Variants in DNAH3 observed in about 807,000 individuals in gnomAD.
DNAH3 encodes the protein dynein axonemal heavy chain 3.
In DNAH3, 332 loss-of-function variants were observed where a neutral mutation model predicts 432.5. That is an observed-to-expected ratio of 0.77 (90% CI 0.70 to 0.84). The LOEUF (loss-of-function observed/expected upper bound fraction) is 0.84. Ranked by LOEUF, DNAH3 falls within the 40% of genes least tolerant of loss-of-function variation. The probability of loss-of-function intolerance (pLI) is 0.00; values close to 1 mark genes in which losing one functional copy is unlikely to be tolerated. For missense variants in DNAH3, 4,861 were observed against 5,114.0 expected, an observed-to-expected ratio of 0.95 and a Z score of 1.51; for synonymous variants, 1,956 against 1,900.2, an observed-to-expected ratio of 1.03 and a Z score of -0.76.
chr16:21,153,985 A>T (rs1360860324), intron 1 of DNAH3, among the ~76,000 whole-genome samples: 1 of 152,256 alleles, frequency 6.6e-6, no homozygotes, highest in Non-Finnish European at 1.5e-5. Context: ...ATTTGGAATA[A>T]TTGAGACAGT....
intron 34 of DNAH3, among the ~76,000 whole-genome samples, chr16:21,037,106 C>T (rs1007063447): frequency 1.3e-5 from 2 of 152,102 alleles, no homozygotes; most frequent in African/African-American, 4.8e-5. Context: ...TTCAGGAGTT[C>T]GAGACCAGCC....
intron 49 of DNAH3, among the ~76,000 whole-genome samples, chr16:20,979,797 T>G (rs567017074): frequency 6.6e-6 from 1 of 152,228 alleles, no homozygotes; most frequent in East Asian, 1.9e-4. Context: ...ACACCCAGGC[T>G]GGAGTGCAGT....
At position 21,102,907 on chromosome 16, in the gene DNAH3, C is replaced by T. The variant is rs1185923785; in HGVS notation, c.2366+1564G>A. ...TTTTTTTTTTTTTGAGACAGAATCT[C>T]GCTCTGTCACCAGGCTGGTTTCAGC... On this transcript the variant is annotated intron_variant, in intron 16 of 61. Transcript: ENST00000261383. Among the ~76,000 whole-genome samples, 9 of 146,390 alleles carry T rather than the reference C, an allele frequency of 6.1e-5. No homozygotes were observed. In the East Asian group the frequency reaches 7.9e-4, roughly 13 times the overall value.
intron 12 of DNAH3, among the ~76,000 whole-genome samples, chr16:21,115,163 G>C (rs1158907555): frequency 6.6e-6 from 1 of 151,964 alleles, no homozygotes. Flanking sequence ...AACACCACAT[G>C]TTCTCACTCA....
chr16:21,138,140 C>G (rs1597468772), intron 5 of DNAH3, among the ~76,000 whole-genome samples: 1 of 151,744 alleles, frequency 6.6e-6, no homozygotes, highest in South Asian at 2.1e-4. Flanking sequence ...CCCAGCTACT[C>G]AGGAGGCTGA....
chr16:21,024,679 G>T, exon 39 of DNAH3: 1 of 1,613,730 alleles, frequency 6.2e-7, no homozygotes, highest in Non-Finnish European at 8.5e-7. Flanking sequence ...AGTTGATGGG[G>T]CTCCATGTAG....
At chr16:20,935,302 T>C in intron 61 of DNAH3, 46 bp downstream of exon 61, 1 of 1,603,262 alleles carries the variant, frequency 6.2e-7, no homozygotes, top group South Asian at 1.1e-5. Flanking sequence ...CAACATTGCT[T>C]TCTCTGGTCA....
intron 36 of DNAH3, 37 bp from the exon 37 acceptor site, chr16:21,031,323 T>C: frequency 6.2e-7 from 1 of 1,610,332 alleles, no homozygotes; most frequent in Non-Finnish European, 8.5e-7. Context: ...ATAAAGGCTC[T>C]GGTGAGACCA....
chr16:21,000,343 A>G (rs2086958576), exon 43 of DNAH3: 1 of 1,614,152 alleles, frequency 6.2e-7, no homozygotes, highest in Non-Finnish European at 8.5e-7. Context: ...AGAGAAATTG[A>G]TGCAGTTGGG....
At chr16:20,969,292 A>ATG (rs35457410) in intron 52 of DNAH3, among the ~76,000 whole-genome samples, 1,719 of 146,010 alleles carry the variant, frequency 0.012, 28 homozygotes, top group African/African-American at 0.039. Context: ...ATGTGTGTGC[A>ATG]TGTGTGTGTG....
chr16:20,985,040 T>C lies in DNAH3; in HGVS notation c.7665+37A>G. On this transcript the variant is annotated intron_variant, in intron 48 of 61. Transcript: ENST00000261383. ...AGAACAAGGGCAAATGGAGTTTTCT[T>C]CTTCTTACCGAGGACAATGTGAAGG... The C allele has an allele frequency of 6.3e-7, 1 of 1,581,092 alleles. No individual in the cohort carries two copies. The highest frequency in any genetic ancestry group is 1.2e-5 in the South Asian group (1 of 84,984).
chr16:21,067,761 G>GT (rs918537805), intron 23 of DNAH3, among the ~76,000 whole-genome samples: 1 of 87,644 alleles, frequency 1.1e-5, no homozygotes, highest in Non-Finnish European at 2.3e-5. Flanking sequence ...CAGTCTTGGG[G>GT]GGGGGGGTGG....
At chr16:20,976,041 G>T (rs376638409) in intron 50 of DNAH3, among the ~76,000 whole-genome samples, 1 of 147,180 alleles carries the variant, frequency 6.8e-6, no homozygotes, top group East Asian at 2.1e-4. Context: ...CACCACGCCC[G>T]GCCAAGAAAT....
At chr16:20,951,905 G>A (rs752514963) in intron 56 of DNAH3, among the ~76,000 whole-genome samples, 21 of 151,760 alleles carry the variant, frequency 1.4e-4, no homozygotes, top group African/African-American at 1.9e-4. Context: ...CACCATGCCC[G>A]GCTAATTTTT....
chr16:20,959,712 G>A (rs1462742574), intron 53 of DNAH3, among the ~76,000 whole-genome samples: 1 of 151,484 alleles, frequency 6.6e-6, no homozygotes, highest in Non-Finnish European at 1.5e-5. Flanking sequence ...AAAACTCATT[G>A]GCTTCTGTTA....
At chr16:21,031,766 G>A (rs1285874585) in intron 36 of DNAH3, among the ~76,000 whole-genome samples, 12 of 152,168 alleles carry the variant, frequency 7.9e-5, no homozygotes, top group Non-Finnish European at 1.6e-4. Flanking sequence ...AGTGGCTCAC[G>A]CCTGTAATCC....
chr16:21,018,592 T>C (rs1176016969), intron 41 of DNAH3, among the ~76,000 whole-genome samples: 5 of 152,184 alleles, frequency 3.3e-5, no homozygotes, highest in African/African-American at 9.7e-5. Context: ...CATTTCAATA[T>C]GATATTAAAA....
Position 20,941,328 on chromosome 16 carries a change from C to G in DNAH3, c.11654+73G>C. On this transcript the variant is annotated intron_variant, in intron 59 of 61. Coordinates refer to ENST00000261383, the Ensembl canonical transcript of DNAH3. ...CACTTCCTCTGCATAGCAACCCCTT[C>G]TCAGCTACTGCCTGTTAGATCCTAC... 6.9e-6 allele frequency: 11 copies of G among 1,584,820 alleles called. No homozygotes were observed. In the South Asian group the frequency reaches 1.1e-4, roughly 17 times the overall value.
chr16:21,089,150 G>T (rs1016960977), intron 18 of DNAH3, among the ~76,000 whole-genome samples: 2 of 152,200 alleles, frequency 1.3e-5, no homozygotes, highest in African/African-American at 4.8e-5. Flanking sequence ...TCTGAGTCAG[G>T]TCTGGAGCGA....
Sources: gnomAD v4.1 joint callset for allele counts (sites outside exome capture counted in the v4.1 genomes callset) on GRCh38, gnomAD v4.1.1 for gene constraint, MANE v1.5 for transcripts, NCBI Gene and HGNC (gene_info 2026-07-23, HGNC 2026-07-21) for gene names.